Variants in PPIG observed in about 807,000 individuals in gnomAD.
The protein encoded by PPIG is peptidylprolyl isomerase G, also known as peptidyl-prolyl cis-trans isomerase G.
A neutral mutation model predicts 87.9 loss-of-function variants in PPIG; 26 were observed. That is an observed-to-expected ratio of 0.30 (90% CI 0.22 to 0.41). PPIG has a LOEUF of 0.41. PPIG is among the 10% of genes least tolerant of loss of function. The pLI is 1.00. For missense variants in PPIG, 722 were observed against 879.4 expected (o/e 0.82, Z 2.26); for synonymous variants, 308 against 276.5 (o/e 1.11, Z -1.13).
rs565243808 is a variant in PPIG, at chr2:169,614,940, T to G, written c.547+216T>G. 1.3e-4 allele frequency among the ~76,000 whole-genome samples: 20 copies of G among 152,350 alleles called. 1 individual carries two copies. In the East Asian group the frequency reaches 3.9e-3, roughly 29 times the overall value. The stretch of plus-strand genomic sequence containing the variant: ...ATGATGTTTTGAAGTATGTATATGT[T>G]GTGGAATGGCTAAATTGAGCTAATT... On this transcript the variant is annotated intron_variant, in intron 9 of 13. Coordinates refer to ENST00000260970, the MANE Select transcript of PPIG (RefSeq NM_004792.3).
rs543822979 is a variant in PPIG at position 169,589,659 on chromosome 2, T to G, written c.-70+5169T>G. Among the ~76,000 whole-genome samples, 15 of 151,728 alleles carry G rather than the reference T, an allele frequency of 9.9e-5. No individual in the cohort carries two copies. The South Asian group carries it at 1.9e-3, about 19-fold the overall frequency. On this transcript the variant is annotated intron_variant, in intron 1 of 13. Coordinates refer to ENST00000260970, the MANE Select transcript of PPIG (RefSeq NM_004792.3). ...GTGGATTCTGGTTTTGGGGTTTTTT[T>G]GGGGGGGGTTGTTTTTTTGGGAAAC...
intron 1 of PPIG, among the ~76,000 whole-genome samples, chr2:169,598,024 A>C (rs13408532): frequency 6.8e-6 from 1 of 147,830 alleles, no homozygotes; most frequent in African/African-American, 2.5e-5. Flanking sequence ...TTTTTGATAC[A>C]GGGTCCCACT....
rs943702704 is a variant in PPIG, at chr2:169,638,739, C to T, written c.*1216C>T. On this transcript the variant is annotated 3_prime_UTR_variant, in exon 14 of 14. Coordinates refer to ENST00000260970, the MANE Select transcript of PPIG (RefSeq NM_004792.3). ...AATTTTGATAGTTTACAGAGTTAAA[C>T]ACTAAACATATCCAAAGTCCATTTA... 5.3e-5 allele frequency: 8 copies of T among 151,978 alleles called. No homozygotes were observed. The highest frequency in any genetic ancestry group is 8.8e-5 in the Non-Finnish European group (6 of 67,906). 9.4% of individuals were successfully genotyped at this position (151,978 alleles called of 1,614,324 possible). A position where few individuals can be genotyped will look rare whatever the true frequency, so the allele number is the denominator to read the frequency against.
At chr2:169,593,384 T>G (rs1386468207) in intron 1 of PPIG, among the ~76,000 whole-genome samples, 1 of 151,462 alleles carries the variant, frequency 6.6e-6, no homozygotes, top group East Asian at 2.0e-4. Context: ...TTAGTAGAGA[T>G]GGGGTTTCAC....
At chr2:169,597,465 TC>T (rs1342578206) in intron 1 of PPIG, among the ~76,000 whole-genome samples, 1 of 150,996 alleles carries the variant, frequency 6.6e-6, no homozygotes, top group Non-Finnish European at 1.5e-5. Context: ...GGCCCCACTT[TC>T]GTTTTTCTCT....
chr2:169,590,129 C>CAAAAAAA (rs59876325), intron 1 of PPIG, among the ~76,000 whole-genome samples: 1 of 139,334 alleles, frequency 7.2e-6, no homozygotes. Flanking sequence ...CGACAACAAC[C>CAAAAAAA]AAAAAAAAAA....
At chr2:169,595,619 G>A (rs1684995761) in intron 1 of PPIG, among the ~76,000 whole-genome samples, 1 of 152,018 alleles carries the variant, frequency 6.6e-6, no homozygotes, top group Non-Finnish European at 1.5e-5. Context: ...GAGTTCAATT[G>A]TTTAAATTTT....
chr2:169,618,992 T>C (rs1044127330), intron 9 of PPIG, among the ~76,000 whole-genome samples: 63 of 152,348 alleles, frequency 4.1e-4, no homozygotes, highest in African/African-American at 1.5e-3. Context: ...TTTAGATCTT[T>C]CCTGCTTTCT....
At chr2:169,593,251 A>G (rs961137922) in intron 1 of PPIG, among the ~76,000 whole-genome samples, 3 of 151,678 alleles carry the variant, frequency 2.0e-5, no homozygotes, top group African/African-American at 7.3e-5. Context: ...GTGGAGTGCA[A>G]TGGCACAATC....
chr2:169,608,774 C>T lies in PPIG; in HGVS notation c.377+16C>T, dbSNP rs1685405277. 1.9e-6 allele frequency: 3 copies of T among 1,562,462 alleles called. No homozygotes were observed. Among genetic ancestry groups the T allele is most frequent in the Non-Finnish European group, 2.6e-6 (3 of 1,135,828 alleles). On this transcript the variant is annotated intron_variant, in intron 7 of 13. Coordinates refer to ENST00000260970, the MANE Select transcript of PPIG (RefSeq NM_004792.3). Reference sequence around the variant, plus strand: ...AGTTCTTCATGTAAGTATTTATTATCTGATGATTTAAAACATCCCATTTTT... The same window carrying T: ...AGTTCTTCATGTAAGTATTTATTATTTGATGATTTAAAACATCCCATTTTT...
Position 169,632,046 on chromosome 2 carries a change from C to A in PPIG, c.929+113C>A, listed in dbSNP as rs1440827283. On this transcript the variant is annotated intron_variant, in intron 11 of 13. Coordinates refer to ENST00000260970, the MANE Select transcript of PPIG (RefSeq NM_004792.3). ...GGTGACCTTGTCCCAAGATTGAAAT[C>A]TTTTTTATAAAATGTTCTTCCGCAA... is the stretch of plus-strand genomic sequence containing the variant. 18 of 1,272,960 alleles carry A rather than the reference C, an allele frequency of 1.4e-5. No individual in the cohort carries two copies. The Admixed American group carries it at 1.7e-4, about 12-fold the overall frequency. 78.9% of individuals were successfully genotyped at this position (1,272,960 alleles called of 1,614,324 possible).
chr2:169,586,188 A>G (rs1684698756), intron 1 of PPIG, among the ~76,000 whole-genome samples: 1 of 152,090 alleles, frequency 6.6e-6, no homozygotes, highest in African/African-American at 2.4e-5. Context: ...AGAATTATTG[A>G]TGCTCTGAGA....
intron 1 of PPIG, among the ~76,000 whole-genome samples, chr2:169,597,612 C>T (rs1347825378): frequency 2.0e-5 from 3 of 151,838 alleles, no homozygotes; most frequent in African/African-American, 7.3e-5. Flanking sequence ...AATTCTGTGC[C>T]TCAACCTCCC....
chr2:169,617,843 A>C (rs963875704), intron 9 of PPIG, among the ~76,000 whole-genome samples: 2 of 152,234 alleles, frequency 1.3e-5, no homozygotes, highest in East Asian at 3.9e-4. Flanking sequence ...AATACCCTTT[A>C]TTTCTTTCTC....
At chr2:169,621,625 GTTTAAAC>G (rs1685755145) in intron 9 of PPIG, among the ~76,000 whole-genome samples, 2 of 151,972 alleles carry the variant, frequency 1.3e-5, no homozygotes, top group African/African-American at 4.8e-5. Context: ...ACCTACTGAT[GTTTAAAC>G]TTTAGAGTGT....
intron 9 of PPIG, among the ~76,000 whole-genome samples, chr2:169,620,242 T>G (rs1685709161): frequency 6.6e-6 from 1 of 152,124 alleles, no homozygotes; most frequent in African/African-American, 2.4e-5. Flanking sequence ...ATTAAACCAT[T>G]TTTAGTTGAT....
At chr2:169,601,926 A>G (rs1018445986) in intron 1 of PPIG, among the ~76,000 whole-genome samples, 1 of 152,200 alleles carries the variant, frequency 6.6e-6, no homozygotes, top group Non-Finnish European at 1.5e-5. Context: ...AAACTCAGTA[A>G]CATTTTTGTT....
intron 9 of PPIG, among the ~76,000 whole-genome samples, chr2:169,619,677 A>G (rs750741343): frequency 6.6e-6 from 1 of 151,744 alleles, no homozygotes; most frequent in Non-Finnish European, 1.5e-5. Flanking sequence ...TTTTCTAATA[A>G]TGGCTGTACC....
At chr2:169,632,046 C>T in intron 11 of PPIG, 113 bp downstream of exon 11, 1 of 1,273,078 alleles carries the variant, frequency 7.9e-7, no homozygotes, top group South Asian at 1.9e-5. Flanking sequence ...AGATTGAAAT[C>T]TTTTTTATAA....
Sources: allele counts gnomAD v4.1 joint callset (sites outside exome capture counted in the v4.1 genomes callset), GRCh38; gene constraint gnomAD v4.1.1; transcripts MANE v1.5; gene names NCBI Gene and HGNC (gene_info 2026-07-23, HGNC 2026-07-21).